Variants in YBX3 observed in about 807,000 individuals in gnomAD.
YBX3 encodes Y-box-binding protein 3.
In YBX3, 29 loss-of-function variants were observed where a neutral mutation model predicts 42.4. The ratio of observed to expected loss-of-function variants is 0.68; its 90% confidence interval spans 0.51 to 0.93. YBX3 has a LOEUF of 0.93. Among genes scored for constraint, YBX3 ranks in the 40% least tolerant of loss-of-function variants. The probability of loss-of-function intolerance (pLI) is 0.00; values close to 1 mark genes in which losing one functional copy is unlikely to be tolerated. For missense variants in YBX3, 517 were observed against 527.5 expected, an observed-to-expected ratio of 0.98 and a Z score of 0.19; for synonymous variants, 195 against 189.8, an observed-to-expected ratio of 1.03 and a Z score of -0.22.
chr12:10,710,741 A>G, intron 5 of YBX3: 1 of 463,480 alleles, frequency 2.2e-6, no homozygotes, highest in South Asian at 1.6e-5. Flanking sequence ...GAATGCAGAA[A>G]CAGATGTGAG....
In YBX3 at chr12:10,723,303, G is replaced by T; in HGVS notation, c.-192C>A. ...GCTTCGTGCTGCGCGCTCTCTCTTG[G>T]GCTCCTCGCTCGATCTTACTGCCCC... On this transcript the variant is annotated 5_prime_UTR_variant, in exon 1 of 10. Coordinates refer to ENST00000228251, the MANE Select transcript of YBX3 (RefSeq NM_003651.5). 1.1e-6 allele frequency: 1 copy of T among 924,316 alleles called. No homozygotes were observed. The highest frequency in any genetic ancestry group is 1.4e-6 in the Non-Finnish European group (1 of 727,302). 57.3% of individuals were successfully genotyped at this position (924,316 alleles called of 1,614,324 possible).
Position 10,719,131 on chromosome 12 carries a change from A to G in YBX3, c.275T>C (p.Leu92Pro), listed in dbSNP as rs560588107. The change falls in exon 2 of 10, where the codon CTT becomes CCT. Residue 92 changes from leucine (L) to proline (P), a missense_variant. By Grantham distance (98) the Leu-to-Pro change is moderately conservative. This residue lies in a region of YBX3 where 420 missense variants were observed against 408.5 expected (regional missense o/e 1.03). Coordinates refer to ENST00000228251, the MANE Select transcript of YBX3 (RefSeq NM_003651.5). ...GACGTTGAACCATTTGACAGTGCCA[A>G]GGACTTTGGTGGCTAAAATAGGATT... is the stretch of plus-strand genomic sequence containing the variant. ...AEKKVLATKV[L>P]GTVKWFNVRN... The G allele has an allele frequency of 1.2e-6, 2 of 1,613,650 alleles. No individual in the cohort carries two copies. The highest frequency in any genetic ancestry group is 4.5e-5 in the East Asian group (2 of 44,818).
intron 3 of YBX3, chr12:10,716,082 G>C (rs888236192): frequency 5.2e-5 from 17 of 327,442 alleles, no homozygotes; most frequent in Admixed American, 9.7e-5. Flanking sequence ...CTGATCACCT[G>C]ATCATATCAG....
Position 10,718,085 on chromosome 12 carries a change from T to C in YBX3, c.360+3A>G. 2 of 1,611,482 alleles carry C rather than the reference T, an allele frequency of 1.2e-6. No individual in the cohort carries two copies. Among genetic ancestry groups the C allele is most frequent in the East Asian group, 4.5e-5 (2 of 44,838 alleles). On this transcript the variant is annotated splice_donor_region_variant and intron_variant, in intron 3 of 9. Coordinates refer to ENST00000228251, the MANE Select transcript of YBX3 (RefSeq NM_003651.5). Reference sequence around the variant, plus strand: ...CAAATGTAGTATTTATAATCCCTCTTACCTGATGTACAAATACATCTTCTT... The same window carrying C: ...CAAATGTAGTATTTATAATCCCTCTCACCTGATGTACAAATACATCTTCTT...
In YBX3 at chr12:10,714,538, G is replaced by A. The variant is rs79798132; in HGVS notation, c.450+1156C>T. On this transcript the variant is annotated intron_variant, in intron 4 of 9. Coordinates refer to ENST00000228251, the MANE Select transcript of YBX3 (RefSeq NM_003651.5). ...AAAATCCCTTAACTTCTTGGATTCAGTTCACCCGGACGAAGCTATCTTAGG... is the reference window on the plus strand; with the variant it reads ...AAAATCCCTTAACTTCTTGGATTCAATTCACCCGGACGAAGCTATCTTAGG... Among the ~76,000 whole-genome samples the A allele has an allele frequency of 7.6e-3, 1,157 of 152,264 alleles. 12 individuals carry two copies. The highest frequency in any genetic ancestry group is 0.032 in the East Asian group (168 of 5,182).
At position 10,702,104 on chromosome 12, in the gene YBX3, T is replaced by G; in HGVS notation, c.909A>C (p.Pro303=). 6.2e-7 allele frequency: 1 copy of G among 1,614,112 alleles called. No individual in the cohort carries two copies. The change falls in exon 8 of 10, where the codon CCA becomes CCC. Residue 303 remains proline, a synonymous_variant. Coordinates refer to ENST00000228251, the MANE Select transcript of YBX3 (RefSeq NM_003651.5). ...CTTTATCTTCAGCCTCTCCAACTGC[T>G]GGGGCAGGTCGTGGGCGAGGAGGTC... ...SRGPPRPRPA[P]AVGEAEDKEN...
chr12:10,704,419 G>A (rs956250871), intron 6 of YBX3: 13 of 302,012 alleles, frequency 4.3e-5, no homozygotes, highest in Admixed American at 2.5e-4. Flanking sequence ...TTTTGAAATC[G>A]GATACATTTC....
At chr12:10,700,179 C>T (rs536676374) in intron 9 of YBX3, among the ~76,000 whole-genome samples, 1 of 152,200 alleles carries the variant, frequency 6.6e-6, no homozygotes, top group Admixed American at 6.5e-5. Flanking sequence ...ATTTCTGTGA[C>T]AAACTGTCCA....
Position 10,722,701 on chromosome 12 carries a change from C to CCCCTGGGGACCCGGAGAT in YBX3, c.262+131_262+148dup, listed in dbSNP as rs902037904. 75 of 709,796 alleles carry CCCCTGGGGACCCGGAGAT rather than the reference C, an allele frequency of 1.1e-4. No homozygotes were observed. In the Admixed American group the frequency reaches 2.7e-3, roughly 25 times the overall value. 44.0% of individuals were successfully genotyped at this position (709,796 alleles called of 1,614,324 possible). A position where few individuals can be genotyped will look rare whatever the true frequency, so the allele number is the denominator to read the frequency against. On this transcript the variant is annotated intron_variant, in intron 1 of 9. Transcript: ENST00000228251. ...GCGGCCAGCGCTGGGGACCCGGAGA[C>CCCCTGGGGACCCGGAGAT]CCCTGGGGACCCGGAGATCCCTGGG... is the stretch of plus-strand genomic sequence containing the variant.
At chr12:10,704,456 T>C (rs960103684) in intron 6 of YBX3, 6 of 201,592 alleles carry the variant, frequency 3.0e-5, no homozygotes, top group Admixed American at 5.9e-5. Context: ...AAAATACTCT[T>C]TTATTTTTCT....
intron 1 of YBX3, chr12:10,722,311 A>T (rs563281845): frequency 6.6e-6 from 1 of 152,418 alleles, no homozygotes; most frequent in South Asian, 2.1e-4. Flanking sequence ...GGCGTCAGGG[A>T]CAGACACCTG....
intron 7 of YBX3, 68 bp downstream of exon 7, chr12:10,703,983 C>T: frequency 6.8e-6 from 10 of 1,461,418 alleles, no homozygotes; most frequent in Non-Finnish European, 9.6e-6. Context: ...AACGGAACCA[C>T]ACAGTCCTCA....
chr12:10,714,489 A>C (rs1046877844), intron 4 of YBX3, among the ~76,000 whole-genome samples: 2 of 152,206 alleles, frequency 1.3e-5, no homozygotes, highest in Non-Finnish European at 2.9e-5. Context: ...ACAGTATTAA[A>C]AACTTCTGTA....
chr12:10,713,012 G>A (rs764307312), intron 5 of YBX3, 199 bp downstream of exon 5: 107 of 662,756 alleles, frequency 1.6e-4, no homozygotes, highest in Admixed American at 2.6e-4. Flanking sequence ...AATCACCACC[G>A]GTTTCCCAAA....
chr12:10,702,751 G>A (rs1437849240), intron 7 of YBX3: 4 of 152,162 alleles, frequency 2.6e-5, no homozygotes, highest in Admixed American at 2.0e-4. Context: ...GAAAAGAAGA[G>A]TAGTCTGGTA....
intron 4 of YBX3, 88 bp downstream of exon 4, chr12:10,715,606 T>C: frequency 3.2e-6 from 4 of 1,231,584 alleles, no homozygotes; most frequent in Non-Finnish European, 4.7e-6. Context: ...TCCAAAGTCA[T>C]GTCAATTCAT....
At position 10,701,971 on chromosome 12, in the gene YBX3, C is replaced by A; in HGVS notation, c.1042G>T (p.Asp348Tyr). ...CTGGTTGGATTTACCTCTTTGCCAT[C>A]TTGTGAAGGAGCGTTAGGAGGACGC... ...RPRPPNAPSQ[D>Y]GKEAKAGEAP... The change falls in exon 8 of 10, where the codon GAT becomes TAT. Residue 348 changes from aspartate to tyrosine, a missense_variant. Asp to Tyr is a radical substitution (Grantham distance 160). Around this residue, in one of 3 missense-constraint regions of YBX3, gnomAD observed 420 missense variants for 408.5 expected, o/e 1.03. Coordinates refer to ENST00000228251, the MANE Select transcript of YBX3 (RefSeq NM_003651.5). 6.2e-7 allele frequency: 1 copy of A among 1,612,330 alleles called. No homozygotes were observed. The highest frequency in any genetic ancestry group is 1.1e-5 in the South Asian group (1 of 90,840).
chr12:10,706,054 C>T (rs1034418226), intron 6 of YBX3, among the ~76,000 whole-genome samples: 2 of 152,170 alleles, frequency 1.3e-5, no homozygotes, highest in African/African-American at 4.8e-5. Context: ...TAAGATATCA[C>T]GGCTTTCAGG....
chr12:10,708,460 C>T (rs1948161971), intron 6 of YBX3, among the ~76,000 whole-genome samples: 1 of 152,100 alleles, frequency 6.6e-6, no homozygotes, highest in Admixed American at 6.5e-5. Context: ...CACTGACAAC[C>T]TTGAAGTAGC....
Sources: gnomAD v4.1 joint callset for allele counts (sites outside exome capture counted in the v4.1 genomes callset) on GRCh38, gnomAD v4.1.1 for gene constraint, gnomAD v4.1.1 regional missense constraint, MANE v1.5 for transcripts, NCBI Gene and HGNC (gene_info 2026-07-23, HGNC 2026-07-21) for gene names.